The following SULT1A1 variants were observed in gnomAD, a reference collection of about 807,000 sequenced individuals.
SULT1A1 encodes the protein sulfotransferase 1A1.
SULT1A1 carries 35 observed loss-of-function variants against 36.8 expected under a neutral mutation model. That is an observed-to-expected ratio of 0.95 (90% confidence interval 0.73 to 1.26). The LOEUF (loss-of-function observed/expected upper bound fraction) is 1.26. SULT1A1 is among the 50% of genes most tolerant of loss of function. SULT1A1 has a pLI of 0.00. For synonymous variants in SULT1A1, 119 were observed against 146.0 expected, an observed-to-expected ratio of 0.82 and a Z score of 1.33; for missense variants, 309 against 383.0, an observed-to-expected ratio of 0.81 and a Z score of 1.61.
At chr16:28,609,002 G>C in intron 1 of SULT1A1, 143 bp from the exon 2 acceptor site, 1 of 1,550,654 alleles carries the variant, frequency 6.4e-7, no homozygotes. Flanking sequence ...CAGTGGCGGG[G>C]CTGGGGCTGA....
At chr16:28,623,313 G>A in exon 1 of SULT1A1, 2 of 1,530,176 alleles carry the variant, frequency 1.3e-6, no homozygotes, top group South Asian at 2.4e-5. Context: ...GCGCCAGTCG[G>A]CCTAGCGGCC....
chr16:28,608,512 G>C lies in SULT1A1; in HGVS notation c.240C>G (p.Pro80=), dbSNP rs748764076. ...TCCCTGGGGCTTTGAACTCAAGGAA[G>C]GGCACCCGCATGAAGATGGGAGCTC... The part of the protein sequence containing the change: ...CHRAPIFMRV[P]FLEFKAPGIP... The change falls in exon 3 of 8, where the codon CCC becomes CCG. Residue 80 remains proline, a synonymous_variant. Transcript: ENST00000314752. 6.2e-7 allele frequency: 1 copy of C among 1,612,446 alleles called. No individual in the cohort carries two copies. Among genetic ancestry groups the C allele is most frequent in the East Asian group, 2.2e-5 (1 of 44,874 alleles).
Position 28,608,487 on chromosome 16 carries a change from T to C in SULT1A1, c.265A>G (p.Ile89Val). ...GGACACACTCACACACCTGAGGGAA[T>C]CCCTGGGGCTTTGAACTCAAGGAAG... The part of the protein sequence containing the change: ...VPFLEFKAPG[I>V]PSGMETLKDT... Residue 89 changes from isoleucine to valine, a missense_variant, in exon 3 of 8, where the codon ATT becomes GTT. Coordinates refer to ENST00000314752, the MANE Select transcript of SULT1A1 (RefSeq NM_001055.4). 6.2e-7 allele frequency: 1 copy of C among 1,612,442 alleles called. No individual in the cohort carries two copies. Among genetic ancestry groups the C allele is most frequent in the South Asian group, 1.1e-5 (1 of 91,020 alleles).
intron 3 of SULT1A1, 33 bp from the exon 4 acceptor site, chr16:28,608,421 T>C: frequency 1.2e-6 from 2 of 1,612,448 alleles, no homozygotes; most frequent in Non-Finnish European, 1.7e-6. Context: ...TCTGGTGAGC[T>C]GAAGCCCCAG....
chr16:28,618,623 C>T (rs1157892438), intron 2 of SULT1A1, among the ~76,000 whole-genome samples: 4 of 152,090 alleles, frequency 2.6e-5, no homozygotes, highest in South Asian at 2.1e-4. Flanking sequence ...GGATTACAGG[C>T]GTGAGCCACC....
chr16:28,605,889 C>T lies in SULT1A1; in HGVS notation c.820G>A (p.Glu274Lys). Residue 274 changes from glutamate to lysine, a missense_variant, in exon 8 of 8, where the codon GAG becomes AAG. This residue lies in a region of SULT1A1 where 67 missense variants were observed against 122.0 expected (regional missense o/e 0.55). Transcript: ENST00000314752. The stretch of plus-strand genomic sequence containing the variant: ...TCCGCATAGTCCGCATCGAAGCGCT[C>T]ATTCTGCGCCACGGTGAAGGTGGTC... The part of the protein sequence containing the change: ...WKTTFTVAQN[E>K]RFDADYAEKM... 1 of 1,609,386 alleles carries T rather than the reference C, an allele frequency of 6.2e-7. No homozygotes were observed. The highest frequency in any genetic ancestry group is 8.5e-7 in the Non-Finnish European group (1 of 1,177,882).
At chr16:28,609,191 A>G in intron 1 of SULT1A1, 2 of 1,331,596 alleles carry the variant, frequency 1.5e-6, no homozygotes, top group Non-Finnish European at 1.9e-6. Context: ...AGCTGCACTG[A>G]GGAAGCTCTA....
chr16:28,608,551 C>T lies in SULT1A1; in HGVS notation c.201G>A (p.Leu67=), dbSNP rs777496406. Reference sequence around the variant, plus strand: ...AGATGGGAGCTCGGTGACACTTCTCCAGGTCACCACCCTGGTAGATCATGT... The same window carrying T: ...AGATGGGAGCTCGGTGACACTTCTCTAGGTCACCACCCTGGTAGATCATGT... ...ILDMIYQGGD[L]EKCHRAPIFM... Residue 67 remains leucine (L), a synonymous_variant, in exon 3 of 8, where the codon CTG becomes CTA. Coordinates refer to ENST00000314752, the MANE Select transcript of SULT1A1 (RefSeq NM_001055.4). The T allele has an allele frequency of 3.7e-6, 6 of 1,612,428 alleles. 2 individuals carry two copies. The highest frequency in any genetic ancestry group is 3.3e-5 in the South Asian group (3 of 91,022).
At position 28,606,144 on chromosome 16, in the gene SULT1A1, G is replaced by C. The variant is rs1352588893; in HGVS notation, c.687C>G (p.Phe229Leu). The C allele has an allele frequency of 6.2e-7, 1 of 1,611,236 alleles. No homozygotes were observed. Among genetic ancestry groups the C allele is most frequent in the Non-Finnish European group, 8.5e-7 (1 of 1,178,162 alleles). Residue 229 changes from phenylalanine (F) to leucine (L), a missense_variant, in exon 7 of 8, where the codon TTC becomes TTG. Around this residue, in one of 3 missense-constraint regions of SULT1A1, gnomAD observed 67 missense variants for 122.0 expected, o/e 0.55. Transcript: ENST00000314752. ...TCATAGGGTTCTTCTTCATCTCCTTGAACGACGTGTGCTGAACCACGAAGT... is the reference window on the plus strand; with the variant it reads ...TCATAGGGTTCTTCTTCATCTCCTTCAACGACGTGTGCTGAACCACGAAGT... ...TVDFVVQHTS[F>L]KEMKKNPMTN... is the part of the protein sequence containing the mutation.
intron 1 of SULT1A1, chr16:28,622,998 C>T: frequency 8.0e-7 from 1 of 1,248,634 alleles, no homozygotes; most frequent in Admixed American, 2.6e-5. Flanking sequence ...CAGCTCCGGT[C>T]TCAGAGCCCC....
intron 2 of SULT1A1, among the ~76,000 whole-genome samples, chr16:28,617,164 A>T (rs1426266068): frequency 6.6e-6 from 1 of 151,816 alleles, no homozygotes; most frequent in Admixed American, 6.6e-5. Flanking sequence ...TACAGGTGTG[A>T]GCCACCATGA....
intron 1 of SULT1A1, chr16:28,609,096 C>T (rs1458455378): frequency 1.4e-6 from 2 of 1,439,160 alleles, no homozygotes; most frequent in South Asian, 1.5e-5. Context: ...AATCCCAGGG[C>T]CTGGGCCATG....
chr16:28,608,783 C>A lies in SULT1A1; in HGVS notation c.73G>T (p.Ala25Ser). 1.9e-6 allele frequency: 3 copies of A among 1,612,548 alleles called. No individual in the cohort carries two copies. The highest frequency in any genetic ancestry group is 2.5e-6 in the Non-Finnish European group (3 of 1,179,474). The stretch of plus-strand genomic sequence containing the variant: ...CTCTGCAGGGGCCCCAGTGCCTCTG[C>A]AAAGTACTTGATGAGCGGGACCCCC... The part of the protein sequence containing the change: ...VKGVPLIKYF[A>S]EALGPLQSFQ... Residue 25 changes from alanine (A) to serine (S), a missense_variant, in exon 2 of 8, where the codon GCA (alanine) becomes TCA (serine). Around this residue, in one of 3 missense-constraint regions of SULT1A1, gnomAD observed 23 missense variants for 45.7 expected, o/e 0.50. Coordinates refer to ENST00000314752, the MANE Select transcript of SULT1A1 (RefSeq NM_001055.4).
chr16:28,607,305 G>T (rs1474034343), intron 4 of SULT1A1: 2 of 749,112 alleles, frequency 2.7e-6, no homozygotes, highest in Non-Finnish European at 4.1e-6. Context: ...GCATCAATGC[G>T]TCACACCCCA....
At chr16:28,609,754 C>CG (rs1481328294) in intron 1 of SULT1A1, 177 bp downstream of exon 1, 41 of 782,328 alleles carry the variant, frequency 5.2e-5, no homozygotes, top group Non-Finnish European at 6.3e-5. Flanking sequence ...CTGGCCTCCC[C>CG]GGGGAAAAAA....
chr16:28,609,970 G>A lies in SULT1A1; in HGVS notation c.-44C>T, dbSNP rs143643294. 5.4e-4 allele frequency: 692 copies of A among 1,287,864 alleles called. 5 individuals carry two copies. The African/African-American group carries it at 8.4e-3, about 16-fold the overall frequency. The allele number at this position is 1,287,864 out of a possible 1,614,324, so 79.8% of individuals were successfully genotyped here. On this transcript the variant is annotated 5_prime_UTR_variant, in exon 1 of 8. Coordinates refer to ENST00000314752, the MANE Select transcript of SULT1A1 (RefSeq NM_001055.4). ...ACCTGGCCTCGTGCCCTCCTCGCCCGCAGTGGCTGATTGTGGGTGTTGTGT... is the reference window on the plus strand; with the variant it reads ...ACCTGGCCTCGTGCCCTCCTCGCCCACAGTGGCTGATTGTGGGTGTTGTGT...
chr16:28,609,352 G>A (rs1342237809), intron 1 of SULT1A1: 2 of 1,290,736 alleles, frequency 1.5e-6, no homozygotes, highest in East Asian at 5.4e-5. Flanking sequence ...CCAGGCCTGT[G>A]ATCCACTTGC....
Position 28,608,473 on chromosome 16 carries a change from C to T in SULT1A1, c.274+5G>A. Reference sequence around the variant, plus strand: ...TCCCCTTGCACCCAGGACACACTCACACACCTGAGGGAATCCCTGGGGCTT... The same window carrying T: ...TCCCCTTGCACCCAGGACACACTCATACACCTGAGGGAATCCCTGGGGCTT... On this transcript the variant is annotated splice_donor_5th_base_variant and intron_variant, in intron 3 of 7. Coordinates refer to ENST00000314752, the MANE Select transcript of SULT1A1 (RefSeq NM_001055.4). 6.2e-7 allele frequency: 1 copy of T among 1,612,514 alleles called. No individual in the cohort carries two copies. Among genetic ancestry groups the T allele is most frequent in the Non-Finnish European group, 8.5e-7 (1 of 1,178,706 alleles).
At chr16:28,616,600 T>C (rs1470067906) in intron 2 of SULT1A1, among the ~76,000 whole-genome samples, 1 of 152,174 alleles carries the variant, frequency 6.6e-6, no homozygotes, top group Non-Finnish European at 1.5e-5. Context: ...TTTTATTTTT[T>C]TAAATACAGA....
Sources: allele counts gnomAD v4.1 joint callset (sites outside exome capture counted in the v4.1 genomes callset), GRCh38; gene constraint gnomAD v4.1.1; regional missense constraint gnomAD v4.1.1; transcripts MANE v1.5; gene names NCBI Gene and HGNC (gene_info 2026-07-23, HGNC 2026-07-21).